SV2C: variants seen among roughly 807,000 people sequenced by gnomAD.
The protein encoded by SV2C is synaptic vesicle glycoprotein 2C, also known as solute carrier family 22 member B3.
In SV2C, 49 loss-of-function variants were observed where a neutral mutation model predicts 79.7. The ratio of observed to expected loss-of-function variants is 0.61; its 90% CI spans 0.49 to 0.78. The LOEUF (loss-of-function observed/expected upper bound fraction) is 0.78, where lower values mean the gene tolerates loss of function less well. Among genes scored for constraint, SV2C ranks in the 30% least tolerant of loss-of-function variants. The pLI is 0.00. For synonymous variants in SV2C, 334 were observed against 333.2 expected, an observed-to-expected ratio of 1.00 and a Z score of -0.03; for missense variants, 833 against 912.9, an observed-to-expected ratio of 0.91 and a Z score of 1.13.
intron 2 of SV2C, among the ~76,000 whole-genome samples, chr5:76,152,659 T>C (rs1418329784): frequency 2.0e-5 from 3 of 152,188 alleles, no homozygotes. Flanking sequence ...GGAAGACAGC[T>C]ACCAGCTGAT....
chr5:75,939,081 A>G, the SV2C span, among the ~76,000 whole-genome samples: 1 of 152,166 alleles, frequency 6.6e-6, no homozygotes, highest in African/African-American at 2.4e-5. Flanking sequence ...GTGCAAAATC[A>G]TACTTCCAGA....
chr5:76,090,305 T>C (rs1337055036), intron 1 of SV2C, among the ~76,000 whole-genome samples: 3 of 152,230 alleles, frequency 2.0e-5, no homozygotes, highest in Non-Finnish European at 2.9e-5. Context: ...CCCTTTTGCA[T>C]TGGGCCCTGC....
Position 76,103,544 on chromosome 5 carries a change from G to T in SV2C, c.-102+20032G>T, listed in dbSNP as rs893767759. ...ACTTCTGGCCAACCTAGATGGGTTTGCATGTCAGCCTATGGCACATAAAGA... is the reference window on the plus strand; with the variant it reads ...ACTTCTGGCCAACCTAGATGGGTTTTCATGTCAGCCTATGGCACATAAAGA... On this transcript the variant is annotated intron_variant, in intron 1 of 12. Coordinates refer to ENST00000502798, the MANE Select transcript of SV2C (RefSeq NM_014979.4). 5.9e-5 allele frequency among the ~76,000 whole-genome samples: 9 copies of T among 152,304 alleles called. No homozygotes were observed. The South Asian group carries it at 1.9e-3, about 32-fold the overall frequency.
At chr5:75,896,971 T>C in the SV2C span, among the ~76,000 whole-genome samples, 10,224 of 136,680 alleles carry the variant, frequency 0.075, 1,760 homozygotes, top group African/African-American at 0.34. Flanking sequence ...GATATTAGCC[T>C]TTTGTCAGAT....
chr5:76,306,661 CA>C (rs1748204181), intron 12 of SV2C, among the ~76,000 whole-genome samples: 1 of 152,044 alleles, frequency 6.6e-6, no homozygotes, highest in Admixed American at 6.6e-5. Flanking sequence ...GAATTCCACA[CA>C]GCAAAAAATA....
the SV2C span, among the ~76,000 whole-genome samples, chr5:75,868,499 AC>A: frequency 6.6e-6 from 1 of 152,208 alleles, no homozygotes; most frequent in Non-Finnish European, 1.5e-5. Context: ...ACCAGACCAA[AC>A]AAACAAAAAC....
At chr5:76,016,736 G>A in the SV2C span, among the ~76,000 whole-genome samples, 1 of 152,152 alleles carries the variant, frequency 6.6e-6, no homozygotes, top group Admixed American at 6.5e-5. Flanking sequence ...GTGGACTGCA[G>A]AGAGTACTCA....
intron 1 of SV2C, among the ~76,000 whole-genome samples, chr5:76,117,565 A>G (rs759651166): frequency 3.3e-5 from 5 of 152,198 alleles, no homozygotes; most frequent in Non-Finnish European, 7.3e-5. Flanking sequence ...AGATTAAAAC[A>G]TGTAACAAAG....
At chr5:76,318,358 C>T (rs1185094053) in intron 12 of SV2C, among the ~76,000 whole-genome samples, 1 of 151,924 alleles carries the variant, frequency 6.6e-6, no homozygotes, top group Non-Finnish European at 1.5e-5. Flanking sequence ...GCGGAGGTTG[C>T]AGTGAGCCGA....
chr5:75,921,451 C>T, the SV2C span: 19 of 797,440 alleles, frequency 2.4e-5, no homozygotes, highest in Non-Finnish European at 3.2e-5. Context: ...AACTTCTTGC[C>T]ATCCTTGCCC....
the SV2C span, among the ~76,000 whole-genome samples, chr5:75,954,960 C>A: frequency 6.7e-6 from 1 of 148,842 alleles, no homozygotes. Context: ...GTGAAAATGG[C>A]CATATTGCCC....
At chr5:76,286,532 CA>C (rs924467805) in intron 6 of SV2C, among the ~76,000 whole-genome samples, 6 of 149,428 alleles carry the variant, frequency 4.0e-5, no homozygotes, top group East Asian at 2.0e-4. Context: ...TTATTGAAAA[CA>C]AAAAAAAACC....
chr5:76,008,944 C>CGTG, the SV2C span, among the ~76,000 whole-genome samples: 1 of 152,054 alleles, frequency 6.6e-6, no homozygotes, highest in East Asian at 1.9e-4. Flanking sequence ...CAGGCCCTTC[C>CGTG]GTGGATTCTT....
At chr5:76,091,343 T>C (rs1391722798) in intron 1 of SV2C, among the ~76,000 whole-genome samples, 1 of 152,242 alleles carries the variant, frequency 6.6e-6, no homozygotes, top group African/African-American at 2.4e-5. Context: ...ATTCCCCGCC[T>C]GCTTCAAAGA....
chr5:75,971,828 G>T, the SV2C span, among the ~76,000 whole-genome samples: 120,574 of 151,916 alleles, frequency 0.79, 48,150 homozygotes, highest in African/African-American at 0.88. Context: ...AAAACTACTT[G>T]AAAGTTCATA....
At chr5:76,344,677 C>G (rs768231150) in intron 12 of SV2C, among the ~76,000 whole-genome samples, 23 of 151,914 alleles carry the variant, frequency 1.5e-4, no homozygotes, top group Admixed American at 2.6e-4. Context: ...CCATTGCACT[C>G]CAGCCTGGGC....
At chr5:75,945,555 G>A in the SV2C span, among the ~76,000 whole-genome samples, 2 of 151,914 alleles carry the variant, frequency 1.3e-5, no homozygotes, top group Non-Finnish European at 2.9e-5. Context: ...CTAGGCTCAA[G>A]CAATCTGCCC....
the SV2C span, among the ~76,000 whole-genome samples, chr5:75,901,410 A>G: frequency 1.3e-5 from 2 of 152,114 alleles, no homozygotes; most frequent in Non-Finnish European, 2.9e-5. Flanking sequence ...GATTTTCATG[A>G]ACTGAGGATG....
chr5:76,347,342 T>C (rs1051000197), intron 12 of SV2C, among the ~76,000 whole-genome samples: 6 of 152,098 alleles, frequency 3.9e-5, no homozygotes, highest in African/African-American at 1.4e-4. Flanking sequence ...CAAACAACAC[T>C]CTGGGAAGCT....
Sources: allele counts gnomAD v4.1 joint callset (sites outside exome capture counted in the v4.1 genomes callset), GRCh38; gene constraint gnomAD v4.1.1; transcripts MANE v1.5; gene names NCBI Gene and HGNC (gene_info 2026-07-23, HGNC 2026-07-21).